ELF1: variants seen among roughly 807,000 people sequenced by gnomAD.
ELF1 encodes ETS-related transcription factor Elf-1.
ELF1 carries 24 observed loss-of-function variants against 59.9 expected under a neutral mutation model. The observed-to-expected ratio is 0.40, with a 90% CI of 0.29 to 0.56. The LOEUF is 0.56. ELF1 is among the 20% of genes least tolerant of loss of function. The pLI is 0.44. For missense variants in ELF1, 627 were observed against 742.2 expected (o/e 0.84, Z 1.80); for synonymous variants, 248 against 266.2 (o/e 0.93, Z 0.67).
At chr13:40,947,929 C>G (rs988899337) in intron 5 of ELF1, among the ~76,000 whole-genome samples, 1 of 152,082 alleles carries the variant, frequency 6.6e-6, no homozygotes, top group Non-Finnish European at 1.5e-5. Flanking sequence ...AAGAATAAGG[C>G]TATTAAAAAA....
intron 2 of ELF1, among the ~76,000 whole-genome samples, chr13:40,964,550 C>A (rs903798542): frequency 6.6e-6 from 1 of 151,812 alleles, no homozygotes; most frequent in Non-Finnish European, 1.5e-5. Context: ...AGTGCAGTGG[C>A]GTGATCTCAG....
intron 1 of ELF1, among the ~76,000 whole-genome samples, chr13:40,987,320 G>T (rs538033395): frequency 6.7e-6 from 1 of 149,140 alleles, no homozygotes; most frequent in Non-Finnish European, 1.5e-5. Context: ...CGTGGCTCAC[G>T]CCTGTATCCC....
chr13:41,040,496 G>C (rs531397317), intron 1 of ELF1, among the ~76,000 whole-genome samples: 30 of 152,246 alleles, frequency 2.0e-4, no homozygotes, highest in African/African-American at 6.5e-4. Context: ...CAGTTTTGTG[G>C]AAGACAATTT....
intron 1 of ELF1, among the ~76,000 whole-genome samples, chr13:41,011,734 G>A (rs974828274): frequency 3.3e-5 from 5 of 151,978 alleles, no homozygotes; most frequent in African/African-American, 1.2e-4. Flanking sequence ...TTGAGCCACC[G>A]TGCCTGATCC....
intron 4 of ELF1, among the ~76,000 whole-genome samples, 170 bp from the exon 5 acceptor site, chr13:40,950,143 G>C (rs1419434544): frequency 6.6e-6 from 1 of 152,102 alleles, no homozygotes; most frequent in Non-Finnish European, 1.5e-5. Context: ...CCCTAAACCA[G>C]TCCAGGCACG....
At chr13:40,941,471 C>A (rs958637568) in intron 7 of ELF1, 101 bp from the exon 8 acceptor site, 8 of 1,091,980 alleles carry the variant, frequency 7.3e-6, no homozygotes, top group Non-Finnish European at 1.0e-5. Context: ...AAGTTGGAAT[C>A]AAACTAATGA....
chr13:40,937,992 T>A (rs1351462662), intron 8 of ELF1, among the ~76,000 whole-genome samples: 1 of 151,848 alleles, frequency 6.6e-6, no homozygotes, highest in African/African-American at 2.4e-5. Context: ...AATTTTTGTA[T>A]TTTTAGTAGA....
chr13:41,029,901 G>A (rs1353016170), intron 1 of ELF1, among the ~76,000 whole-genome samples: 1 of 152,146 alleles, frequency 6.6e-6, no homozygotes, highest in East Asian at 1.9e-4. Flanking sequence ...GAATATCAGA[G>A]TTCAGTTCTG....
At chr13:41,038,701 C>T (rs960453507) in intron 1 of ELF1, among the ~76,000 whole-genome samples, 1 of 152,094 alleles carries the variant, frequency 6.6e-6, no homozygotes, top group African/African-American at 2.4e-5. Flanking sequence ...TATGGATAAA[C>T]ATTTATACAC....
At chr13:41,010,436 G>A (rs1874988799) in intron 1 of ELF1, among the ~76,000 whole-genome samples, 1 of 151,666 alleles carries the variant, frequency 6.6e-6, no homozygotes, top group South Asian at 2.1e-4. Context: ...AGGCGAGAGG[G>A]CTACACCCCT....
rs373168456 is a variant in ELF1 at position 40,982,105 on chromosome 13, C to T, written c.-51G>A. ...ATGAGAAAAATTCCAAGAAGATTCA[C>T]GTATCAGGCAGCAAAATCCAGTGAC... On this transcript the variant is annotated 5_prime_UTR_variant, in exon 2 of 9. The change creates a new upstream start codon in the 5' untranslated region. Coordinates refer to ENST00000239882, the MANE Select transcript of ELF1 (RefSeq NM_172373.4). 29 of 1,590,390 alleles carry T rather than the reference C, an allele frequency of 1.8e-5. No homozygotes were observed. The African/African-American group carries it at 2.4e-4, about 13-fold the overall frequency.
At chr13:41,021,790 A>G (rs577219370), upstream of ELF1, among the ~76,000 whole-genome samples, 8 of 152,354 alleles carry the variant, frequency 5.3e-5, no homozygotes, top group East Asian at 9.6e-4. Context: ...ACACTTCACT[A>G]AAGAAGTCAT....
At position 40,982,214 on chromosome 13, in the gene ELF1, T is replaced by C. The variant is rs1286560422; in HGVS notation, c.-160A>G. 41 of 1,308,674 alleles carry C rather than the reference T, an allele frequency of 3.1e-5. No homozygotes were observed. The highest frequency in any genetic ancestry group is 3.9e-5 in the Non-Finnish European group (40 of 1,027,646). The allele number at this position is 1,308,674 out of a possible 1,614,324, so 81.1% of individuals were successfully genotyped here. A position where few individuals can be genotyped will look rare whatever the true frequency, so the allele number is the denominator to read the frequency against. Reference sequence around the variant, plus strand: ...TTTAGGGAAGGTGCTTCAGTTTTCCTGGTTCATTGATATTCTAGTCAAATT... The same window carrying C: ...TTTAGGGAAGGTGCTTCAGTTTTCCCGGTTCATTGATATTCTAGTCAAATT... On this transcript the variant is annotated 5_prime_UTR_variant, in exon 2 of 9. Coordinates refer to ENST00000239882, the MANE Select transcript of ELF1 (RefSeq NM_172373.4).
chr13:41,033,511 G>C (rs181795682), intron 1 of ELF1, among the ~76,000 whole-genome samples: 1 of 152,208 alleles, frequency 6.6e-6, no homozygotes, highest in East Asian at 1.9e-4. Flanking sequence ...TATGCTGAGT[G>C]AAAGAAGCCA....
intron 1 of ELF1, 120 bp downstream of exon 1, chr13:41,019,108 A>G: frequency 1.2e-6 from 1 of 827,450 alleles, no homozygotes. Flanking sequence ...CTGACCACAC[A>G]CATTTTATCA....
intron 1 of ELF1, among the ~76,000 whole-genome samples, chr13:41,012,337 G>C (rs1224608423): frequency 7.8e-6 from 1 of 128,134 alleles, no homozygotes; most frequent in Non-Finnish European, 1.6e-5. Context: ...AAAAAAAAAA[G>C]AGTATTATGA....
chr13:41,029,307 C>G (rs917077388), intron 1 of ELF1, among the ~76,000 whole-genome samples: 1 of 152,206 alleles, frequency 6.6e-6, no homozygotes, highest in South Asian at 2.1e-4. Flanking sequence ...GTCAACTTAA[C>G]TGAATTAAGA....
chr13:41,038,818 C>T (rs1876488660), intron 1 of ELF1, among the ~76,000 whole-genome samples: 1 of 151,622 alleles, frequency 6.6e-6, no homozygotes, highest in Non-Finnish European at 1.5e-5. Context: ...GAGTTCAAAA[C>T]CAGCCTGGCC....
At chr13:41,004,017 T>C (rs1348109921) in intron 1 of ELF1, among the ~76,000 whole-genome samples, 1 of 152,056 alleles carries the variant, frequency 6.6e-6, no homozygotes, top group Non-Finnish European at 1.5e-5. Context: ...AGTTTATGAT[T>C]CTAGAAAAAA....
Sources: allele counts gnomAD v4.1 joint callset (sites outside exome capture counted in the v4.1 genomes callset), GRCh38; gene constraint gnomAD v4.1.1; transcripts MANE v1.5; gene names NCBI Gene and HGNC (gene_info 2026-07-23, HGNC 2026-07-21).